The following FRY variants were observed in gnomAD, a reference collection of about 807,000 sequenced individuals.
The protein encoded by FRY is protein furry homolog.
A neutral mutation model predicts 348.4 loss-of-function variants in FRY; 128 were observed. The observed-to-expected ratio is 0.37, with a 90% CI of 0.32 to 0.43. FRY has a LOEUF of 0.43. Among genes scored for constraint, FRY ranks in the 20% least tolerant of loss-of-function variants. The probability of loss-of-function intolerance (pLI) is 1.00; values close to 1 mark genes in which losing one functional copy is unlikely to be tolerated. For missense variants in FRY, 2,736 were observed against 3,695.2 expected, an observed-to-expected ratio of 0.74 and a Z score of 6.73; for synonymous variants, 1,370 against 1,374.7, an observed-to-expected ratio of 1.00 and a Z score of 0.08.
chr13:32,194,383 C>A, intron 29 of FRY, 86 bp downstream of exon 29: 1 of 1,193,304 alleles, frequency 8.4e-7, no homozygotes, highest in Non-Finnish European at 1.3e-6. Context: ...TGTTTTGCAA[C>A]TATATGAGCA....
Position 32,228,488 on chromosome 13 carries a change from T to C in FRY, c.5239T>C (p.Ser1747Pro), listed in dbSNP as rs1885727157. Reference protein sequence around the residue: ...GFDFLREDQSSPVPDSGLSSS... With the variant: ...GFDFLREDQSPPVPDSGLSSS... Reference sequence around the variant, plus strand: ...TGACTTCCTGAGAGAGGACCAGTCATCCCCGGTGCCTGACTCAGGGCTTAG... The same window carrying C: ...TGACTTCCTGAGAGAGGACCAGTCACCCCCGGTGCCTGACTCAGGGCTTAG... Residue 1747 changes from serine (S) to proline (P), a missense_variant, in exon 40 of 61, where the codon TCC (serine) becomes CCC (proline). Physicochemically the swap from Ser to Pro is moderately conservative, Grantham distance 74. Around this residue, in one of 9 missense-constraint regions of FRY, gnomAD observed 794 missense variants for 977.0 expected, o/e 0.81. Transcript: ENST00000542859. 1 of 1,612,678 alleles carries C rather than the reference T, an allele frequency of 6.2e-7. No individual in the cohort carries two copies. Among genetic ancestry groups the C allele is most frequent in the Non-Finnish European group, 8.5e-7 (1 of 1,179,820 alleles).
At chr13:32,146,414 G>A (rs182457204) in intron 11 of FRY, among the ~76,000 whole-genome samples, 1 of 152,126 alleles carries the variant, frequency 6.6e-6, no homozygotes, top group Admixed American at 6.5e-5. Context: ...TCAGCTCACT[G>A]CAACCTCTGC....
Position 32,249,632 on chromosome 13 carries a change from G to C in FRY, c.7115G>C (p.Gly2372Ala), listed in dbSNP as rs1216202363. Residue 2372 changes from glycine (G) to alanine (A), a missense_variant, in exon 49 of 61, where the codon GGC becomes GCC. By Grantham distance (60) the Gly-to-Ala change is moderately conservative. This residue lies in a region of FRY where 789 missense variants were observed against 996.2 expected (regional missense o/e 0.79). Transcript: ENST00000542859. ...VTRSTSSTSS[G>A]SNSNVLVPVS... ...CGGAGCACATCTTCCACTTCCTCAG[G>C]CTCCAACTCCAACGTCCTTGTTCCA... 6.2e-7 allele frequency: 1 copy of C among 1,614,078 alleles called. No individual in the cohort carries two copies. Among genetic ancestry groups the C allele is most frequent in the African/African-American group, 1.3e-5 (1 of 74,926 alleles).
chr13:32,149,620 C>A, intron 13 of FRY, 128 bp from the exon 14 acceptor site: 2 of 689,582 alleles, frequency 2.9e-6, no homozygotes, highest in Admixed American at 2.1e-5. Context: ...CTGCAAGCCA[C>A]AAAACTGAGC....
intron 14 of FRY, among the ~76,000 whole-genome samples, chr13:32,152,111 C>T (rs61946723): frequency 0.041 from 6,275 of 151,940 alleles, 142 homozygotes; most frequent in South Asian, 0.055. Flanking sequence ...CAAAGAAGAC[C>T]CAAATAGTGA....
At chr13:32,293,193 T>A (rs1889463251) in intron 59 of FRY, among the ~76,000 whole-genome samples, 1 of 152,208 alleles carries the variant, frequency 6.6e-6, no homozygotes, top group Non-Finnish European at 1.5e-5. Context: ...CACACAGTGT[T>A]TAAATACTAC....
At chr13:32,138,416 C>T (rs147859808) in intron 11 of FRY, among the ~76,000 whole-genome samples, 1 of 152,120 alleles carries the variant, frequency 6.6e-6, no homozygotes, top group African/African-American at 2.4e-5. Flanking sequence ...TTGCTGTGGC[C>T]ACAGAGACCC....
chr13:32,184,505 T>C (rs1414689636), intron 24 of FRY, 95 bp from the exon 25 acceptor site: 9 of 762,228 alleles, frequency 1.2e-5, no homozygotes, highest in Non-Finnish European at 2.1e-5. Flanking sequence ...AAATTGAAAA[T>C]GACTAGATTA....
At chr13:32,270,076 A>G (rs754563693) in intron 55 of FRY, among the ~76,000 whole-genome samples, 1 of 152,240 alleles carries the variant, frequency 6.6e-6, no homozygotes, top group Non-Finnish European at 1.5e-5. Flanking sequence ...AAAAGATAAG[A>G]ATTCTAGAAA....
intron 47 of FRY, among the ~76,000 whole-genome samples, chr13:32,246,152 C>A (rs542728788): frequency 4.6e-5 from 7 of 152,182 alleles, no homozygotes; most frequent in Non-Finnish European, 7.3e-5. Flanking sequence ...CTTAGGCCTG[C>A]GGGCGACGTC....
At chr13:32,115,056 A>T (rs1878216059) in intron 3 of FRY, among the ~76,000 whole-genome samples, 1 of 152,212 alleles carries the variant, frequency 6.6e-6, no homozygotes, top group East Asian at 1.9e-4. Flanking sequence ...TTAACTCATA[A>T]CTAAAGATAA....
chr13:32,186,442 A>G (rs1883033219), intron 27 of FRY, 22 bp downstream of exon 27: 23 of 1,475,976 alleles, frequency 1.6e-5, no homozygotes, highest in Non-Finnish European at 2.2e-5. Context: ...TGTACTCACG[A>G]ATGACTGAGT....
At chr13:32,065,400 G>A (rs1874192637) in intron 1 of FRY, among the ~76,000 whole-genome samples, 1 of 151,672 alleles carries the variant, frequency 6.6e-6, no homozygotes, top group South Asian at 2.1e-4. Context: ...CCACCTCCCG[G>A]GTTCAAGCAG....
rs1369151922 is a variant in FRY, at chr13:32,175,648, A to T, written c.2421+16A>T. 2 of 1,336,134 alleles carry T rather than the reference A, an allele frequency of 1.5e-6. No individual in the cohort carries two copies. The highest frequency in any genetic ancestry group is 2.2e-6 in the Non-Finnish European group (2 of 926,328). The allele number at this position is 1,336,134 out of a possible 1,614,324, so 82.8% of individuals were successfully genotyped here. A position where few individuals can be genotyped will look rare whatever the true frequency, so the allele number is the denominator to read the frequency against. On this transcript the variant is annotated intron_variant, in intron 20 of 60. Coordinates refer to ENST00000542859, the MANE Select transcript of FRY (RefSeq NM_023037.3). ...TTCGGATTCAGTAAGTACACATTTGATTCCAATTAATGGCTCTTAAAAGCT... is the reference window on the plus strand; with the variant it reads ...TTCGGATTCAGTAAGTACACATTTGTTTCCAATTAATGGCTCTTAAAAGCT...
At chr13:32,204,150 T>A (rs753135509) in intron 31 of FRY, among the ~76,000 whole-genome samples, 2 of 152,222 alleles carry the variant, frequency 1.3e-5, no homozygotes, top group Non-Finnish European at 2.9e-5. Context: ...CACTAGTTGT[T>A]TGACTGTGGG....
chr13:32,141,287 TAC>T (rs374474716), intron 11 of FRY, among the ~76,000 whole-genome samples: 3 of 152,304 alleles, frequency 2.0e-5, no homozygotes, highest in African/African-American at 7.2e-5. Context: ...TTGGATAATA[TAC>T]AGTCATCAAA....
chr13:32,049,091 A>C (rs1873183829), intron 1 of FRY, among the ~76,000 whole-genome samples: 1 of 152,220 alleles, frequency 6.6e-6, no homozygotes, highest in Non-Finnish European at 1.5e-5. Flanking sequence ...TGCCCATGCC[A>C]GGCATTGTGC....
intron 35 of FRY, among the ~76,000 whole-genome samples, chr13:32,215,327 C>G (rs1383846675): frequency 2.0e-5 from 3 of 152,016 alleles, no homozygotes; most frequent in Non-Finnish European, 4.4e-5. Context: ...TGATGGATAT[C>G]CCAATTACCC....
intron 3 of FRY, among the ~76,000 whole-genome samples, chr13:32,108,463 A>G (rs1877723335): frequency 6.6e-6 from 1 of 152,224 alleles, no homozygotes. Flanking sequence ...TTGATGCAGA[A>G]GGCATGTATT....
Sources: allele counts gnomAD v4.1 joint callset (sites outside exome capture counted in the v4.1 genomes callset), GRCh38; gene constraint gnomAD v4.1.1; regional missense constraint gnomAD v4.1.1; transcripts MANE v1.5; gene names NCBI Gene and HGNC (gene_info 2026-07-23, HGNC 2026-07-21).